The following RPS6KA5 variants were observed in gnomAD, a reference collection of about 807,000 sequenced individuals.
RPS6KA5 encodes ribosomal protein S6 kinase A5.
In RPS6KA5, 27 loss-of-function variants were observed where a neutral mutation model predicts 85.5. The ratio of observed to expected loss-of-function variants is 0.32; its 90% CI spans 0.23 to 0.44. The LOEUF is 0.44. Among genes scored for constraint, RPS6KA5 ranks in the 20% least tolerant of loss-of-function variants. The pLI is 1.00. For synonymous variants in RPS6KA5, 334 were observed against 348.2 expected, an observed-to-expected ratio of 0.96 and a Z score of 0.46; for missense variants, 811 against 980.9, an observed-to-expected ratio of 0.83 and a Z score of 2.31.
In RPS6KA5 at chr14:90,869,740, T is replaced by A. The variant is rs2032981524; in HGVS notation, c.*2334A>T. On this transcript the variant is annotated 3_prime_UTR_variant, in exon 17 of 17. Transcript: ENST00000614987. ...ATTTTAAAGTGCAATTCACTGTATG[T>A]TAATACACAGCCTGCATAGGACCTA... The A allele has an allele frequency of 6.6e-6, 1 of 152,220 alleles. No homozygotes were observed. The highest frequency in any genetic ancestry group is 1.5e-5 in the Non-Finnish European group (1 of 68,028). 9.4% of individuals were successfully genotyped at this position (152,220 alleles called of 1,614,324 possible). A position where few individuals can be genotyped will look rare whatever the true frequency, so the allele number is the denominator to read the frequency against.
intron 8 of RPS6KA5, among the ~76,000 whole-genome samples, chr14:90,904,676 T>A (rs1261282659): frequency 2.0e-5 from 3 of 152,092 alleles, no homozygotes; most frequent in African/African-American, 7.2e-5. Context: ...ATGTAGAAAA[T>A]GGAATGCTAT....
intron 5 of RPS6KA5, among the ~76,000 whole-genome samples, chr14:90,932,365 C>G (rs1241765528): frequency 6.6e-6 from 1 of 152,092 alleles, no homozygotes; most frequent in East Asian, 1.9e-4. Flanking sequence ...GTCTCAAACT[C>G]CTGGGCTCAA....
At chr14:91,007,405 T>C (rs1320984819) in intron 1 of RPS6KA5, among the ~76,000 whole-genome samples, 1 of 152,268 alleles carries the variant, frequency 6.6e-6, no homozygotes, top group Non-Finnish European at 1.5e-5. Context: ...TAAATATTAG[T>C]AAATTTGGAC....
intron 2 of RPS6KA5, among the ~76,000 whole-genome samples, chr14:90,981,112 A>T (rs1182671805): frequency 2.0e-5 from 3 of 152,236 alleles, no homozygotes; most frequent in African/African-American, 7.2e-5. Context: ...TGGAGGTTGC[A>T]GTGAGCCGAG....
intron 16 of RPS6KA5, among the ~76,000 whole-genome samples, chr14:90,873,297 T>C (rs1252911794): frequency 6.6e-6 from 1 of 152,228 alleles, no homozygotes; most frequent in African/African-American, 2.4e-5. Context: ...GAATGGACTT[T>C]CAAATATGCC....
At chr14:90,922,730 C>T (rs186257811) in intron 6 of RPS6KA5, among the ~76,000 whole-genome samples, 236 of 152,116 alleles carry the variant, frequency 1.6e-3, no homozygotes, top group Non-Finnish European at 2.5e-3. Flanking sequence ...ATTACAGGCC[C>T]TTAATTTTTT....
intron 1 of RPS6KA5, among the ~76,000 whole-genome samples, chr14:91,034,552 CACTCTGTAAAATGGACCAATCGGT>C (rs1321575783): frequency 6.6e-6 from 1 of 152,162 alleles, no homozygotes; most frequent in Non-Finnish European, 1.5e-5. Flanking sequence ...CACCAATCAG[CACTCTGTAAAATGGACCAATCGGT>C]ACTCTGTAAA....
rs191936594 is a variant in RPS6KA5, at chr14:90,857,101, C to A, written c.*14973G>T. 1 of 152,200 alleles carries A rather than the reference C, an allele frequency of 6.6e-6. No homozygotes were observed. Among genetic ancestry groups the A allele is most frequent in the East Asian group, 1.9e-4 (1 of 5,180 alleles). 9.4% of individuals were successfully genotyped at this position (152,200 alleles called of 1,614,324 possible). A position where few individuals can be genotyped will look rare whatever the true frequency, so the allele number is the denominator to read the frequency against. Reference sequence around the variant, plus strand: ...TGTCCTATTATTGCTGCCTTTTGATCACATGAACATGGATCATAATCAGAA... The same window carrying A: ...TGTCCTATTATTGCTGCCTTTTGATAACATGAACATGGATCATAATCAGAA... On this transcript the variant is annotated 3_prime_UTR_variant, in exon 17 of 17. Transcript: ENST00000614987.
At chr14:90,999,346 AC>A (rs1449777025) in intron 2 of RPS6KA5, among the ~76,000 whole-genome samples, 3 of 152,158 alleles carry the variant, frequency 2.0e-5, no homozygotes, top group East Asian at 1.9e-4. Flanking sequence ...ATGGGCAGAT[AC>A]CCTTATATGG....
At chr14:90,985,314 C>G (rs2040012511) in intron 2 of RPS6KA5, among the ~76,000 whole-genome samples, 1 of 152,166 alleles carries the variant, frequency 6.6e-6, no homozygotes, top group Non-Finnish European at 1.5e-5. Context: ...TAAAAACAAT[C>G]AATTTAAAAT....
chr14:90,950,152 T>C (rs2038097875), intron 3 of RPS6KA5, among the ~76,000 whole-genome samples: 1 of 152,210 alleles, frequency 6.6e-6, no homozygotes, highest in Non-Finnish European at 1.5e-5. Flanking sequence ...ATTTTTGTAC[T>C]TCTTTTGTTA....
At chr14:91,057,928 T>C (rs1459404574) in intron 1 of RPS6KA5, among the ~76,000 whole-genome samples, 2 of 152,242 alleles carry the variant, frequency 1.3e-5, no homozygotes, top group African/African-American at 4.8e-5. Flanking sequence ...TTTAGAATCA[T>C]GTCTTCCAAC....
At position 91,001,161 on chromosome 14, in the gene RPS6KA5, T is replaced by TA; in HGVS notation, c.104-3dup. Reference sequence around the variant, plus strand: ...TCTCAGCATGTCCTGTCAAATTAGCTAAAAGAAAAAAAGAGGAAAAAAAAA... The same window carrying TA: ...TCTCAGCATGTCCTGTCAAATTAGCTAAAAAGAAAAAAAGAGGAAAAAAAAA... On this transcript the variant is annotated splice_region_variant and splice_polypyrimidine_tract_variant and intron_variant, in intron 1 of 16. Coordinates refer to ENST00000614987, the MANE Select transcript of RPS6KA5 (RefSeq NM_004755.4). 1.3e-6 allele frequency: 2 copies of TA among 1,578,362 alleles called. No homozygotes were observed. The highest frequency in any genetic ancestry group is 1.7e-6 in the Non-Finnish European group (2 of 1,162,772).
chr14:90,966,048 G>C (rs2094013916), intron 3 of RPS6KA5, among the ~76,000 whole-genome samples: 1 of 152,132 alleles, frequency 6.6e-6, no homozygotes, highest in African/African-American at 2.4e-5. Flanking sequence ...AAGAGGTTTG[G>C]CATGGTATTG....
chr14:90,948,167 G>A (rs1369150596), intron 3 of RPS6KA5, among the ~76,000 whole-genome samples: 1 of 152,170 alleles, frequency 6.6e-6, no homozygotes, highest in Non-Finnish European at 1.5e-5. Flanking sequence ...TGAAATAGGT[G>A]ACCAAAAGGC....
At position 90,849,296 on chromosome 14, in the gene RPS6KA5, T is replaced by G. The variant is rs977890363; in HGVS notation, c.*22778A>C. ...AGCCCTTTGAAACTGGAAACAAAGT[T>G]TTGGCCAGAGATGAACACGCACCCA... On this transcript the variant is annotated 3_prime_UTR_variant, in exon 17 of 17. Coordinates refer to ENST00000614987, the MANE Select transcript of RPS6KA5 (RefSeq NM_004755.4). The G allele has an allele frequency of 3.3e-5, 5 of 152,178 alleles. No individual in the cohort carries two copies. Among genetic ancestry groups the G allele is most frequent in the African/African-American group, 1.2e-4 (5 of 41,450 alleles). The allele number at this position is 152,178 out of a possible 1,614,324, so 9.4% of individuals were successfully genotyped here. A position where few individuals can be genotyped will look rare whatever the true frequency, so the allele number is the denominator to read the frequency against.
chr14:90,982,281 T>C (rs1286072), intron 2 of RPS6KA5, among the ~76,000 whole-genome samples: 2,142 of 82,208 alleles, frequency 0.026, 62 homozygotes, highest in African/African-American at 0.079. Context: ...GAAAATTCCT[T>C]TGGCAAAAAA....
At chr14:91,016,521 C>A (rs1191475180) in intron 1 of RPS6KA5, among the ~76,000 whole-genome samples, 1 of 152,062 alleles carries the variant, frequency 6.6e-6, no homozygotes, top group South Asian at 2.1e-4. Context: ...ATACTACATA[C>A]TACTTTTTTG....
chr14:90,900,414 A>G (rs2035099877), intron 10 of RPS6KA5, among the ~76,000 whole-genome samples, 173 bp from the exon 11 acceptor site: 1 of 152,208 alleles, frequency 6.6e-6, no homozygotes, highest in Non-Finnish European at 1.5e-5. Flanking sequence ...ATAATTATTT[A>G]AGATACATAA....
Sources: allele counts gnomAD v4.1 joint callset (sites outside exome capture counted in the v4.1 genomes callset), GRCh38; gene constraint gnomAD v4.1.1; transcripts MANE v1.5; gene names NCBI Gene and HGNC (gene_info 2026-07-23, HGNC 2026-07-21).